Variants in TBC1D22A observed in about 807,000 individuals in gnomAD.
TBC1D22A encodes TBC1 domain family member 22A.
A neutral mutation model predicts 60.2 loss-of-function variants in TBC1D22A; 38 were observed. That is an observed-to-expected ratio of 0.63 (90% CI 0.49 to 0.83). TBC1D22A has a LOEUF of 0.83. Among genes scored for constraint, TBC1D22A ranks in the 40% least tolerant of loss-of-function variants. TBC1D22A has a pLI of 0.00. For missense variants in TBC1D22A, 628 were observed against 701.0 expected, an observed-to-expected ratio of 0.90 and a Z score of 1.18; for synonymous variants, 302 against 281.7, an observed-to-expected ratio of 1.07 and a Z score of -0.72.
In TBC1D22A at chr22:46,974,279, G is replaced by T; in HGVS notation, c.1016-11G>T. 1 of 1,579,202 alleles carries T rather than the reference G, an allele frequency of 6.3e-7. No homozygotes were observed. On this transcript the variant is annotated splice_polypyrimidine_tract_variant and intron_variant, in intron 8 of 12. Coordinates refer to ENST00000337137, the MANE Select transcript of TBC1D22A (RefSeq NM_014346.5). ...AGTCTCCTTGTCTTTTGCATGCTCG[G>T]CGCCGCCCAGAGGCAGAGGAGGTGG... is the stretch of plus-strand genomic sequence containing the variant.
At chr22:46,853,791 T>G (rs1273981899) in intron 4 of TBC1D22A, among the ~76,000 whole-genome samples, 2 of 152,028 alleles carry the variant, frequency 1.3e-5, no homozygotes, top group Non-Finnish European at 2.9e-5. Context: ...GGCCTCGTCC[T>G]CTGGGCCCTG....
chr22:47,014,446 T>A (rs2061846132), intron 10 of TBC1D22A, among the ~76,000 whole-genome samples: 1 of 152,060 alleles, frequency 6.6e-6, no homozygotes, highest in South Asian at 2.1e-4. Flanking sequence ...GGACATGCCG[T>A]GAGTGTGCTT....
chr22:47,165,334 A>G (rs2068160751), intron 12 of TBC1D22A, among the ~76,000 whole-genome samples: 1 of 152,196 alleles, frequency 6.6e-6, no homozygotes, highest in South Asian at 2.1e-4. Context: ...CAACTCTTGC[A>G]GATAGAGGGC....
intron 12 of TBC1D22A, among the ~76,000 whole-genome samples, chr22:47,156,348 G>A (rs1487215211): frequency 6.6e-6 from 1 of 152,230 alleles, no homozygotes; most frequent in African/African-American, 2.4e-5. Context: ...CCGAGAGACA[G>A]GGTTGTATGG....
intron 4 of TBC1D22A, among the ~76,000 whole-genome samples, chr22:46,830,314 A>G (rs1042673782): frequency 2.0e-5 from 3 of 152,198 alleles, no homozygotes; most frequent in Non-Finnish European, 4.4e-5. Flanking sequence ...ACTACTTCCC[A>G]TCACCCTTCG....
At position 46,768,374 on chromosome 22, in the gene TBC1D22A, G is replaced by A. The variant is rs182278975; in HGVS notation, c.62+5526G>A. Among the ~76,000 whole-genome samples, 72 of 151,350 alleles carry A rather than the reference G, an allele frequency of 4.8e-4. 1 individual carries two copies. The East Asian group carries it at 0.011, about 23-fold the overall frequency. ...GTGGCAGGCGCCTGTAATCCCAGCT[G>A]CTTGGGAGGCTGAGGCAGGAGAGTC... On this transcript the variant is annotated intron_variant, in intron 1 of 12. Transcript: ENST00000337137.
intron 11 of TBC1D22A, among the ~76,000 whole-genome samples, chr22:47,049,136 C>G (rs1159838175): frequency 6.6e-6 from 1 of 152,244 alleles, no homozygotes; most frequent in Non-Finnish European, 1.5e-5. Context: ...GCACTCACAG[C>G]TCTGCCGGGT....
At chr22:47,108,781 C>T (rs55891431) in intron 11 of TBC1D22A, among the ~76,000 whole-genome samples, 1,824 of 152,246 alleles carry the variant, frequency 0.012, 39 homozygotes, top group African/African-American at 0.041. Context: ...CTGCAAGCTC[C>T]GCCTCCCAGG....
intron 1 of TBC1D22A, chr22:46,763,294 C>T: frequency 6.2e-6 from 1 of 161,540 alleles, no homozygotes; most frequent in South Asian, 1.7e-4. Flanking sequence ...AGGGCTGCGG[C>T]TCTTGCCTTG....
intron 8 of TBC1D22A, among the ~76,000 whole-genome samples, chr22:46,947,970 C>T (rs529530778): frequency 1.3e-5 from 2 of 152,308 alleles, no homozygotes; most frequent in African/African-American, 4.8e-5. Flanking sequence ...ACCTGATAAA[C>T]TCGCCTTTTA....
intron 1 of TBC1D22A, among the ~76,000 whole-genome samples, chr22:46,769,795 C>T (rs909399433): frequency 2.6e-5 from 4 of 151,876 alleles, no homozygotes; most frequent in East Asian, 1.9e-4. Context: ...GAAGAGAGGG[C>T]GAGAGAGGAA....
chr22:46,858,978 T>A (rs148551380), intron 4 of TBC1D22A, among the ~76,000 whole-genome samples: 9 of 146,884 alleles, frequency 6.1e-5, no homozygotes, highest in Admixed American at 6.1e-4. Flanking sequence ...GATAGAGGTC[T>A]GTGTAGTGCT....
At chr22:46,926,583 A>G (rs1481262782) in intron 8 of TBC1D22A, among the ~76,000 whole-genome samples, 1 of 152,178 alleles carries the variant, frequency 6.6e-6, no homozygotes, top group Non-Finnish European at 1.5e-5. Flanking sequence ...TGCAGTGTAG[A>G]TGTATTTTAG....
intron 7 of TBC1D22A, among the ~76,000 whole-genome samples, chr22:46,908,376 G>A (rs1371483128): frequency 1.3e-5 from 2 of 152,188 alleles, no homozygotes; most frequent in African/African-American, 2.4e-5. Flanking sequence ...TGCCTTTAGC[G>A]GCAGAGCCAG....
chr22:46,851,284 T>C (rs1459762036), intron 4 of TBC1D22A, among the ~76,000 whole-genome samples: 1 of 152,222 alleles, frequency 6.6e-6, no homozygotes, highest in Non-Finnish European at 1.5e-5. Flanking sequence ...GAGACACAGC[T>C]GAACAGGTTC....
chr22:46,992,990 A>G (rs2075001455), intron 9 of TBC1D22A, among the ~76,000 whole-genome samples: 1 of 152,194 alleles, frequency 6.6e-6, no homozygotes, highest in South Asian at 2.1e-4. Context: ...ACACTATGTT[A>G]CGGTGAAATT....
At chr22:47,106,931 C>CA (rs1349621810) in intron 11 of TBC1D22A, among the ~76,000 whole-genome samples, 2 of 151,970 alleles carry the variant, frequency 1.3e-5, no homozygotes, top group African/African-American at 2.4e-5. Flanking sequence ...GACTCCATCT[C>CA]AAAAAACACA....
chr22:47,042,020 T>G (rs919870902), intron 11 of TBC1D22A, among the ~76,000 whole-genome samples: 5 of 152,254 alleles, frequency 3.3e-5, no homozygotes, highest in Non-Finnish European at 5.9e-5. Flanking sequence ...CGGTGTTTTG[T>G]CCACTGTGTG....
chr22:46,916,868 T>G (rs1280215546), intron 8 of TBC1D22A, among the ~76,000 whole-genome samples: 1 of 152,116 alleles, frequency 6.6e-6, no homozygotes, highest in East Asian at 1.9e-4. Flanking sequence ...GAGGGTATAA[T>G]GTGATGGGAG....
Sources: allele counts gnomAD v4.1 joint callset (sites outside exome capture counted in the v4.1 genomes callset), GRCh38; gene constraint gnomAD v4.1.1; transcripts MANE v1.5; gene names NCBI Gene and HGNC (gene_info 2026-07-23, HGNC 2026-07-21).